SERPING1: variants seen among roughly 807,000 people sequenced by gnomAD.
The protein encoded by SERPING1 is plasma protease C1 inhibitor.
A neutral mutation model predicts 34.1 loss-of-function variants in SERPING1; 5 were observed. That is an observed-to-expected ratio of 0.15 (90% CI 0.08 to 0.31). The LOEUF is 0.31. Among genes scored for constraint, SERPING1 ranks in the 10% least tolerant of loss-of-function variants. SERPING1 has a pLI of 1.00. For synonymous variants in SERPING1, 225 were observed against 242.4 expected (o/e 0.93, Z 0.67); for missense variants, 505 against 609.5 (o/e 0.83, Z 1.81).
chr11:57,603,924 C>T (rs1262453459), intron 4 of SERPING1, among the ~76,000 whole-genome samples: 2 of 150,910 alleles, frequency 1.3e-5, no homozygotes, highest in Non-Finnish European at 2.9e-5. Flanking sequence ...CTGAGGTGGG[C>T]GGATCACTTG....
chr11:57,606,580 A>G, intron 6 of SERPING1, 33 bp downstream of exon 6: 1 of 1,613,006 alleles, frequency 6.2e-7, no homozygotes. Flanking sequence ...TCCTGTTTGA[A>G]ACCTACTTGA....
intron 4 of SERPING1, 34 bp downstream of exon 4, chr11:57,602,203 G>T (rs1945355884): frequency 4.3e-6 from 7 of 1,613,768 alleles, no homozygotes; most frequent in Non-Finnish European, 5.9e-6. Context: ...GTCTGCAGAG[G>T]AGGGTCCTGA....
chr11:57,614,820 C>T lies in SERPING1; in HGVS notation c.*239C>T, dbSNP rs1945521107. The T allele has an allele frequency of 1.9e-6, 1 of 535,976 alleles. No individual in the cohort carries two copies. Among genetic ancestry groups the T allele is most frequent in the East Asian group, 2.9e-5 (1 of 34,072 alleles). 33.2% of individuals were successfully genotyped at this position (535,976 alleles called of 1,614,324 possible). A position where few individuals can be genotyped will look rare whatever the true frequency, so the allele number is the denominator to read the frequency against. On this transcript the variant is annotated 3_prime_UTR_variant, in exon 8 of 8. Transcript: ENST00000278407. ...CTTTCTCTAGTTCAAGTTCACCAGA[C>T]TCTATAAATAAAACCTGACAGACCA...
At chr11:57,612,707 G>A (rs1004312023) in intron 7 of SERPING1, among the ~76,000 whole-genome samples, 2 of 151,458 alleles carry the variant, frequency 1.3e-5, no homozygotes, top group Non-Finnish European at 2.9e-5. Flanking sequence ...ATGAGTCACC[G>A]CGCCCAGCCC....
chr11:57,614,381 G>A lies in SERPING1; in HGVS notation c.1303G>A (p.Asp435Asn). The A allele has an allele frequency of 6.2e-7, 1 of 1,614,094 alleles. No individual in the cohort carries two copies. Among genetic ancestry groups the A allele is most frequent in the Non-Finnish European group, 8.5e-7 (1 of 1,180,028 alleles). The change falls in exon 8 of 8, where the codon GAT becomes AAT. Residue 435 changes from aspartate to asparagine, a missense_variant. Physicochemically the swap from Asp to Asn is conservative, Grantham distance 23 (BLOSUM62 1). Transcript: ENST00000278407. The part of the protein sequence containing the change: ...LNLCGLTEDP[D>N]LQVSAMQHQT... ...CCTGTGTGGGCTGACAGAGGACCCA[G>A]ATCTTCAGGTTTCTGCGATGCAGCA...
intron 7 of SERPING1, among the ~76,000 whole-genome samples, chr11:57,613,089 A>G (rs1453821036): frequency 1.3e-5 from 2 of 152,040 alleles, no homozygotes; most frequent in African/African-American, 2.4e-5. Flanking sequence ...CTGTCACTTC[A>G]TTTCTTGTTA....
Position 57,614,378 on chromosome 11 carries a change from C to T in SERPING1, c.1300C>T (p.Pro434Ser), listed in dbSNP as rs1255090221. 7 of 1,613,928 alleles carry T rather than the reference C, an allele frequency of 4.3e-6. No individual in the cohort carries two copies. The highest frequency in any genetic ancestry group is 5.9e-6 in the Non-Finnish European group (7 of 1,180,014). ...TAACCTGTGTGGGCTGACAGAGGAC[C>T]CAGATCTTCAGGTTTCTGCGATGCA... is the stretch of plus-strand genomic sequence containing the variant. ...DLNLCGLTED[P>S]DLQVSAMQHQ... is the part of the protein sequence containing the mutation. Residue 434 changes from proline (P) to serine (S), a missense_variant, in exon 8 of 8, where the codon CCA (proline) becomes TCA (serine). Coordinates refer to ENST00000278407, the MANE Select transcript of SERPING1 (RefSeq NM_000062.3).
chr11:57,598,094 G>A (rs1945307391), intron 1 of SERPING1, 155 bp from the exon 2 acceptor site: 2 of 595,992 alleles, frequency 3.4e-6, no homozygotes, highest in East Asian at 5.9e-5. Flanking sequence ...AAAACAGAGG[G>A]AGGAGCCAGG....
chr11:57,598,098 A>G, intron 1 of SERPING1, 151 bp from the exon 2 acceptor site: 2 of 593,730 alleles, frequency 3.4e-6, no homozygotes, highest in South Asian at 2.3e-5. Context: ...CAGAGGGAGG[A>G]GCCAGGGAGA....
At chr11:57,606,879 T>C (rs2135318750) in intron 6 of SERPING1, 1 of 571,706 alleles carries the variant, frequency 1.7e-6, no homozygotes, top group Admixed American at 2.2e-5. Context: ...TAGCAAGTCC[T>C]GTGTGTATGT....
chr11:57,611,448 C>T (rs890388202), intron 6 of SERPING1: 1 of 529,138 alleles, frequency 1.9e-6, no homozygotes, highest in South Asian at 2.1e-5. Context: ...AATCACTTGC[C>T]CATATTACAT....
intron 4 of SERPING1, among the ~76,000 whole-genome samples, chr11:57,602,761 A>AAAAACAAAAAC: frequency 7.8e-6 from 1 of 128,930 alleles, no homozygotes; most frequent in South Asian, 2.7e-4. Context: ...TCTCAAAAAA[A>AAAAACAAAAAC]AAAACAAAAA....
chr11:57,603,614 G>A (rs969883112), intron 4 of SERPING1, among the ~76,000 whole-genome samples: 10 of 151,564 alleles, frequency 6.6e-5, no homozygotes, highest in African/African-American at 1.2e-4. Flanking sequence ...TGAGGCGGGC[G>A]GACCACGAGG....
chr11:57,603,875 C>A (rs544518922), intron 4 of SERPING1, among the ~76,000 whole-genome samples: 1 of 149,820 alleles, frequency 6.7e-6, no homozygotes, highest in Non-Finnish European at 1.5e-5. Flanking sequence ...GCGGGCCAGG[C>A]GCGGTGTCTC....
intron 5 of SERPING1, 76 bp downstream of exon 5, chr11:57,606,289 C>T (rs1945408409): frequency 1.9e-6 from 3 of 1,599,914 alleles, no homozygotes; most frequent in Non-Finnish European, 2.6e-6. Flanking sequence ...CCCACTTAAC[C>T]CCAAGTTCTA....
chr11:57,599,777 A>G, intron 2 of SERPING1, 102 bp from the exon 3 acceptor site: 1 of 1,527,084 alleles, frequency 6.5e-7, no homozygotes. Context: ...TCTCTTGTAC[A>G]GGACATTTTC....
At chr11:57,598,818 G>A (rs1590821681) in intron 2 of SERPING1, among the ~76,000 whole-genome samples, 1 of 152,170 alleles carries the variant, frequency 6.6e-6, no homozygotes, top group African/African-American at 2.4e-5. Flanking sequence ...ACGTGGGTCT[G>A]GGTGGGGGTC....
chr11:57,607,937 G>T (rs1945429652), intron 6 of SERPING1, among the ~76,000 whole-genome samples: 1 of 152,212 alleles, frequency 6.6e-6, no homozygotes, highest in Admixed American at 6.5e-5. Flanking sequence ...GGGATTACAG[G>T]CATGAGCCAC....
At chr11:57,598,976 C>T (rs1477038134) in intron 2 of SERPING1, among the ~76,000 whole-genome samples, 1 of 152,006 alleles carries the variant, frequency 6.6e-6, no homozygotes, top group Non-Finnish European at 1.5e-5. Flanking sequence ...ACATACTCAG[C>T]AGATGATGTA....
Sources: gnomAD v4.1 joint callset for allele counts (sites outside exome capture counted in the v4.1 genomes callset) on GRCh38, gnomAD v4.1.1 for gene constraint, MANE v1.5 for transcripts, NCBI Gene and HGNC (gene_info 2026-07-23, HGNC 2026-07-21) for gene names.